FAT1: variants seen among roughly 807,000 people sequenced by gnomAD.
FAT1 encodes the protein protocadherin Fat 1.
A neutral mutation model predicts 329.8 loss-of-function variants in FAT1; 171 were observed. The ratio of observed to expected loss-of-function variants is 0.52; its 90% CI spans 0.46 to 0.59. The LOEUF (loss-of-function observed/expected upper bound fraction) is 0.59, where lower values mean the gene tolerates loss of function less well. Among genes scored for constraint, FAT1 ranks in the 20% least tolerant of loss-of-function variants. The pLI is 0.00. For synonymous variants in FAT1, 2,233 were observed against 2,228.6 expected (o/e 1.00, Z -0.06); for missense variants, 5,672 against 5,774.4 (o/e 0.98, Z 0.57).
intron 23 of FAT1, 56 bp downstream of exon 23, chr4:186,597,916 A>G: frequency 6.3e-7 from 1 of 1,576,082 alleles, no homozygotes; most frequent in Non-Finnish European, 8.6e-7. Context: ...GTACCATTAT[A>G]TGTTTAAGAA....
intron 3 of FAT1, among the ~76,000 whole-genome samples, chr4:186,658,488 C>T (rs1234180826): frequency 1.3e-5 from 2 of 152,166 alleles, no homozygotes; most frequent in African/African-American, 4.8e-5. Context: ...GGAGATGTCT[C>T]CCTCTTTTCC....
intron 3 of FAT1, among the ~76,000 whole-genome samples, chr4:186,662,915 C>A (rs150635460): frequency 6.6e-6 from 1 of 151,982 alleles, no homozygotes; most frequent in Non-Finnish European, 1.5e-5. Flanking sequence ...CGGCTCACTG[C>A]AAGCTCCGCC....
intron 2 of FAT1, among the ~76,000 whole-genome samples, chr4:186,665,865 G>A (rs1232963536): frequency 6.6e-6 from 1 of 152,036 alleles, no homozygotes; most frequent in Non-Finnish European, 1.5e-5. Context: ...CATAAAAAAG[G>A]ATGAGTTCAT....
chr4:186,683,268 C>A (rs189558614), intron 2 of FAT1, among the ~76,000 whole-genome samples: 123 of 152,238 alleles, frequency 8.1e-4, no homozygotes, highest in Middle Eastern at 3.4e-3. Flanking sequence ...ACTGTGCGTT[C>A]TTTTCTCCTC....
chr4:186,675,193 T>C (rs1465901608), intron 2 of FAT1, among the ~76,000 whole-genome samples: 1 of 151,042 alleles, frequency 6.6e-6, no homozygotes, highest in Non-Finnish European at 1.5e-5. Flanking sequence ...AAAACTAGAG[T>C]GGTGGGTGGC....
At chr4:186,718,003 T>C (rs371028404) in intron 1 of FAT1, among the ~76,000 whole-genome samples, 2 of 152,158 alleles carry the variant, frequency 1.3e-5, no homozygotes, top group Admixed American at 6.5e-5. Context: ...CTTGGCAGAG[T>C]AGCCAATAAT....
intron 3 of FAT1, among the ~76,000 whole-genome samples, chr4:186,640,883 T>C (rs762836954): frequency 6.6e-6 from 1 of 152,228 alleles, no homozygotes; most frequent in Non-Finnish European, 1.5e-5. Context: ...CAGGATGATC[T>C]GCACCTCCGA....
chr4:186,683,541 A>T (rs181090052), intron 2 of FAT1, among the ~76,000 whole-genome samples: 25 of 152,176 alleles, frequency 1.6e-4, no homozygotes, highest in African/African-American at 5.5e-4. Context: ...GCCTCTGTGA[A>T]ATTTTCCGAA....
At chr4:186,636,496 A>T in intron 5 of FAT1, 89 bp downstream of exon 5, 6 of 1,366,866 alleles carry the variant, frequency 4.4e-6, no homozygotes, top group Non-Finnish European at 6.0e-6. Context: ...CCGTTTACAA[A>T]ATAGAAATAA....
At chr4:186,721,249 T>C (rs1231946351) in intron 1 of FAT1, among the ~76,000 whole-genome samples, 1 of 151,228 alleles carries the variant, frequency 6.6e-6, no homozygotes, top group South Asian at 2.1e-4. Context: ...CAGTAAAAGA[T>C]GACTTAAAAA....
chr4:186,668,531 A>C (rs1742572012), intron 2 of FAT1, among the ~76,000 whole-genome samples: 1 of 152,162 alleles, frequency 6.6e-6, no homozygotes, highest in African/African-American at 2.4e-5. Context: ...GGACTTCCTT[A>C]ATCAGGGGTT....
At chr4:186,701,621 C>G (rs1392154553) in intron 2 of FAT1, among the ~76,000 whole-genome samples, 2 of 152,234 alleles carry the variant, frequency 1.3e-5, no homozygotes, top group Non-Finnish European at 2.9e-5. Flanking sequence ...TTCCAGCAGC[C>G]ACCCAGCTCT....
chr4:186,641,544 T>C (rs370326144), intron 3 of FAT1, among the ~76,000 whole-genome samples: 3 of 152,156 alleles, frequency 2.0e-5, no homozygotes, highest in South Asian at 4.1e-4. Context: ...TCACGTGGAA[T>C]AGCAGCTTGA....
At chr4:186,696,318 T>TA (rs1288051623) in intron 2 of FAT1, among the ~76,000 whole-genome samples, 1 of 152,182 alleles carries the variant, frequency 6.6e-6, no homozygotes, top group Non-Finnish European at 1.5e-5. Context: ...TTTAGATCCT[T>TA]AAAAAATAAC....
intron 7 of FAT1, among the ~76,000 whole-genome samples, chr4:186,630,908 G>A (rs1180495307): frequency 6.6e-6 from 1 of 152,152 alleles, no homozygotes; most frequent in Non-Finnish European, 1.5e-5. Context: ...AAAGGTAACT[G>A]GATTTGGTAA....
intron 3 of FAT1, among the ~76,000 whole-genome samples, chr4:186,646,561 A>C (rs977621053): frequency 6.6e-6 from 1 of 152,116 alleles, no homozygotes; most frequent in East Asian, 1.9e-4. Flanking sequence ...ATAGTCACCA[A>C]TTATGTCTGA....
Position 186,588,487 on chromosome 4 carries a change from C to A in FAT1, c.*105G>T, listed in dbSNP as rs1270726472. 1 of 1,377,286 alleles carries A rather than the reference C, an allele frequency of 7.3e-7. No homozygotes were observed. Among genetic ancestry groups the A allele is most frequent in the Non-Finnish European group, 9.7e-7 (1 of 1,031,662 alleles). The allele number at this position is 1,377,286 out of a possible 1,614,324, so 85.3% of individuals were successfully genotyped here. A position where few individuals can be genotyped will look rare whatever the true frequency, so the allele number is the denominator to read the frequency against. ...AGGATCCAGCGCAGCCATGCCCATTCGGCTCACCAAAAAAAGCTTGGAAGC... is the reference window on the plus strand; with the variant it reads ...AGGATCCAGCGCAGCCATGCCCATTAGGCTCACCAAAAAAAGCTTGGAAGC... On this transcript the variant is annotated 3_prime_UTR_variant, in exon 27 of 27. Coordinates refer to ENST00000441802, the MANE Select transcript of FAT1 (RefSeq NM_005245.4).
chr4:186,670,525 C>T (rs920313374), intron 2 of FAT1, among the ~76,000 whole-genome samples: 1 of 152,126 alleles, frequency 6.6e-6, no homozygotes, highest in African/African-American at 2.4e-5. Context: ...CACTAGAGAG[C>T]CAATATCTCT....
chr4:186,615,496 A>T (rs1005040204), intron 11 of FAT1, among the ~76,000 whole-genome samples: 2 of 151,352 alleles, frequency 1.3e-5, no homozygotes, highest in African/African-American at 4.9e-5. Flanking sequence ...CCTCCCTGTC[A>T]CTCTCAGCCT....
Sources: allele counts gnomAD v4.1 joint callset (sites outside exome capture counted in the v4.1 genomes callset), GRCh38; gene constraint gnomAD v4.1.1; transcripts MANE v1.5; gene names NCBI Gene and HGNC (gene_info 2026-07-23, HGNC 2026-07-21).